DPP10: variants seen among roughly 807,000 people sequenced by gnomAD.
DPP10 encodes dipeptidyl peptidase like 10.
In DPP10, 33 loss-of-function variants were observed where a neutral mutation model predicts 120.9. The observed-to-expected ratio is 0.27, with a 90% confidence interval of 0.21 to 0.37. DPP10 has a LOEUF of 0.37. DPP10 is among the 10% of genes least tolerant of loss of function. The probability of loss-of-function intolerance (pLI) is 1.00; values close to 1 mark genes in which losing one functional copy is unlikely to be tolerated. For missense variants in DPP10, 816 were observed against 942.8 expected (o/e 0.87, Z 1.76); for synonymous variants, 337 against 326.1 (o/e 1.03, Z -0.36).
intron 13 of DPP10, among the ~76,000 whole-genome samples, chr2:115,776,358 G>A (rs546896180): frequency 6.6e-6 from 1 of 152,186 alleles, no homozygotes; most frequent in African/African-American, 2.4e-5. Flanking sequence ...GTGAGAACAT[G>A]CAGTGTTTGG....
intron 5 of DPP10, among the ~76,000 whole-genome samples, chr2:115,660,593 A>G (rs542642703): frequency 7.1e-6 from 1 of 141,694 alleles, no homozygotes; most frequent in South Asian, 2.2e-4. Flanking sequence ...TAAAATTATC[A>G]TCTTATCTTA....
chr2:115,556,990 A>G (rs989631769), intron 5 of DPP10, among the ~76,000 whole-genome samples: 25 of 152,212 alleles, frequency 1.6e-4, no homozygotes, highest in South Asian at 1.4e-3. Context: ...GATTTGAACA[A>G]TAATTTTTCT....
chr2:115,565,183 C>A (rs1465049111), intron 5 of DPP10, among the ~76,000 whole-genome samples: 1 of 152,138 alleles, frequency 6.6e-6, no homozygotes, highest in Non-Finnish European at 1.5e-5. Context: ...AGATAATTTA[C>A]ATTTTTGTTT....
At chr2:114,569,529 T>C (rs1157415641) in intron 1 of DPP10, among the ~76,000 whole-genome samples, 1 of 152,166 alleles carries the variant, frequency 6.6e-6, no homozygotes, top group Non-Finnish European at 1.5e-5. Flanking sequence ...CAGACTGATA[T>C]TTGCTGGAAC....
At chr2:115,751,804 T>TGG (rs1559110740) in intron 10 of DPP10, among the ~76,000 whole-genome samples, 1 of 132,910 alleles carries the variant, frequency 7.5e-6, no homozygotes, top group Non-Finnish European at 1.6e-5. Context: ...TTTTTTGTTG[T>TGG]TTTTTTTTTT....
chr2:115,736,619 T>C (rs1676535640), intron 8 of DPP10, among the ~76,000 whole-genome samples: 1 of 152,134 alleles, frequency 6.6e-6, no homozygotes, highest in Non-Finnish European at 1.5e-5. Flanking sequence ...CTACACTGTC[T>C]TGATGGAAAG....
chr2:115,828,835 T>G (rs1446294889), intron 21 of DPP10, among the ~76,000 whole-genome samples: 2 of 152,196 alleles, frequency 1.3e-5, no homozygotes, highest in Non-Finnish European at 2.9e-5. Context: ...GTATATTTAT[T>G]AACCATTTTA....
At chr2:114,923,196 T>C (rs1695332252) in intron 1 of DPP10, among the ~76,000 whole-genome samples, 1 of 151,374 alleles carries the variant, frequency 6.6e-6, no homozygotes, top group South Asian at 2.1e-4. Context: ...TTTTCTTTTT[T>C]TTTTTTAGAC....
At chr2:115,136,295 C>A (rs1394173855) in intron 1 of DPP10, among the ~76,000 whole-genome samples, 1 of 152,128 alleles carries the variant, frequency 6.6e-6, no homozygotes, top group Non-Finnish European at 1.5e-5. Context: ...GTGTTTAGGT[C>A]TATGAATGGA....
Position 114,664,792 on chromosome 2 carries a change from G to T in DPP10, c.60+221954G>T, listed in dbSNP as rs528252911. Among the ~76,000 whole-genome samples, 236 of 148,608 alleles carry T rather than the reference G, an allele frequency of 1.6e-3. 9 individuals carry two copies. Among genetic ancestry groups the T allele is most frequent in the South Asian group, 0.011 (50 of 4,636 alleles). On this transcript the variant is annotated intron_variant, in intron 1 of 25. Transcript: ENST00000410059. ...GGCATAGAGCATCCAAAAGATGGCAGAGAGCATCCAAAAGGTGGCAGAGAG... is the reference window on the plus strand; with the variant it reads ...GGCATAGAGCATCCAAAAGATGGCATAGAGCATCCAAAAGGTGGCAGAGAG...
At chr2:114,778,493 T>A (rs1345186115) in intron 1 of DPP10, among the ~76,000 whole-genome samples, 7 of 152,110 alleles carry the variant, frequency 4.6e-5, no homozygotes, top group African/African-American at 1.7e-4. Context: ...TACAGTAAAC[T>A]TAAGTTTGCT....
intron 1 of DPP10, among the ~76,000 whole-genome samples, chr2:114,523,831 C>T (rs772868394): frequency 6.6e-6 from 1 of 152,132 alleles, no homozygotes; most frequent in Non-Finnish European, 1.5e-5. Context: ...CATCCCATCC[C>T]CCTTTTCTCT....
intron 13 of DPP10, among the ~76,000 whole-genome samples, chr2:115,776,634 C>T (rs1238511255): frequency 6.6e-6 from 1 of 151,932 alleles, no homozygotes; most frequent in Non-Finnish European, 1.5e-5. Context: ...TTGGGTCAAA[C>T]AATATATATT....
At chr2:115,149,529 A>C (rs540445821) in intron 1 of DPP10, among the ~76,000 whole-genome samples, 23 of 152,254 alleles carry the variant, frequency 1.5e-4, no homozygotes, top group Admixed American at 5.2e-4. Context: ...TTCCTTCTTC[A>C]TCCAGGTGGA....
chr2:115,398,380 C>G (rs1455701991), intron 3 of DPP10, among the ~76,000 whole-genome samples: 1 of 152,084 alleles, frequency 6.6e-6, no homozygotes, highest in Non-Finnish European at 1.5e-5. Flanking sequence ...CCTTAACACA[C>G]TGAGAGTGCC....
intron 1 of DPP10, among the ~76,000 whole-genome samples, chr2:115,116,425 TGA>T (rs1451288262): frequency 1.3e-5 from 2 of 152,168 alleles, no homozygotes; most frequent in African/African-American, 2.4e-5. Context: ...ATGAGAAAAT[TGA>T]GAGTCATCAA....
chr2:114,874,056 A>G (rs550390420), intron 1 of DPP10, among the ~76,000 whole-genome samples: 1 of 152,324 alleles, frequency 6.6e-6, no homozygotes, highest in East Asian at 1.9e-4. Flanking sequence ...TGGGGCAACA[A>G]GTGAACATCA....
At chr2:114,746,020 A>G (rs983852678) in intron 1 of DPP10, among the ~76,000 whole-genome samples, 2 of 152,184 alleles carry the variant, frequency 1.3e-5, no homozygotes, top group South Asian at 2.1e-4. Flanking sequence ...GCCCCTAACA[A>G]TGTGCCTTGC....
chr2:114,743,056 T>C (rs1383183723), intron 1 of DPP10, among the ~76,000 whole-genome samples: 1 of 152,206 alleles, frequency 6.6e-6, no homozygotes, highest in African/African-American at 2.4e-5. Flanking sequence ...ATCACTATGG[T>C]TCAGAGAATC....
Sources: allele counts gnomAD v4.1 joint callset (sites outside exome capture counted in the v4.1 genomes callset), GRCh38; gene constraint gnomAD v4.1.1; transcripts MANE v1.5; gene names NCBI Gene and HGNC (gene_info 2026-07-23, HGNC 2026-07-21).